OLFML2A: variants seen among roughly 807,000 people sequenced by gnomAD.
The protein encoded by OLFML2A is olfactomedin-like protein 2A.
Under a neutral mutation model 60.9 loss-of-function variants are expected in OLFML2A, and 47 were observed. The observed-to-expected ratio is 0.77, with a 90% CI of 0.61 to 0.98. The LOEUF is 0.98. Among genes scored for constraint, OLFML2A ranks in the 50% least tolerant of loss-of-function variants. The pLI is 0.00. For missense variants in OLFML2A, 922 were observed against 879.8 expected, an observed-to-expected ratio of 1.05 and a Z score of -0.61; for synonymous variants, 372 against 375.0, an observed-to-expected ratio of 0.99 and a Z score of 0.09.
In OLFML2A at chr9:124,787,212, A is replaced by G. The variant is rs753219026; in HGVS notation, c.328A>G (p.Lys110Glu). ...CENEWKMEKL[K>E]KQAPELLKLQ... ...GAACGAGTGGAAGATGGAGAAACTCAAAAAGCAGGCGCCCGAGCTCCTCAA... is the reference window on the plus strand; with the variant it reads ...GAACGAGTGGAAGATGGAGAAACTCGAAAAGCAGGCGCCCGAGCTCCTCAA... Residue 110 changes from lysine to glutamate, a missense_variant, in exon 2 of 8, where the codon AAA becomes GAA. By Grantham distance (56) the Lys-to-Glu change is moderately conservative (BLOSUM62 1). Transcript: ENST00000373580. 6.2e-7 allele frequency: 1 copy of G among 1,614,052 alleles called. No individual in the cohort carries two copies. Among genetic ancestry groups the G allele is most frequent in the Non-Finnish European group, 8.5e-7 (1 of 1,179,916 alleles).
rs1034003636 is a variant in OLFML2A, at chr9:124,802,724, G to A, written c.919+1061G>A. Among the ~76,000 whole-genome samples the A allele has an allele frequency of 8.5e-5, 13 of 152,280 alleles. No individual in the cohort carries two copies. The South Asian group carries it at 1.7e-3, about 19-fold the overall frequency. On this transcript the variant is annotated intron_variant, in intron 5 of 7. Coordinates refer to ENST00000373580, the MANE Select transcript of OLFML2A (RefSeq NM_182487.4). Reference sequence around the variant, plus strand: ...GACCAGGGGGATGACCCCCTTCCCCGCCAGGGCCCAGGCTGCCCACAGCAG... The same window carrying A: ...GACCAGGGGGATGACCCCCTTCCCCACCAGGGCCCAGGCTGCCCACAGCAG...
At chr9:124,796,124 C>A (rs1240147447) in intron 3 of OLFML2A, among the ~76,000 whole-genome samples, 1 of 152,220 alleles carries the variant, frequency 6.6e-6, no homozygotes, top group Non-Finnish European at 1.5e-5. Flanking sequence ...GCTTCCTTTA[C>A]AGAGGGAGGG....
intron 1 of OLFML2A, chr9:124,778,794 C>T (rs918962715): frequency 5.6e-6 from 1 of 179,004 alleles, no homozygotes; most frequent in Non-Finnish European, 1.1e-5. Context: ...AAGATTGTGT[C>T]TTAAAACAAA....
chr9:124,802,788 G>A (rs1022432331), intron 5 of OLFML2A, among the ~76,000 whole-genome samples: 1 of 152,242 alleles, frequency 6.6e-6, no homozygotes, highest in Non-Finnish European at 1.5e-5. Context: ...GAGAAAAAAG[G>A]AAGAAGTTAT....
intron 3 of OLFML2A, among the ~76,000 whole-genome samples, chr9:124,796,961 C>T (rs1260509483): frequency 1.3e-5 from 2 of 152,184 alleles, no homozygotes; most frequent in Admixed American, 6.6e-5. Flanking sequence ...GAAAATCTGT[C>T]ATACACTTTG....
At chr9:124,794,507 G>A (rs2131260498) in intron 2 of OLFML2A, among the ~76,000 whole-genome samples, 1 of 152,328 alleles carries the variant, frequency 6.6e-6, no homozygotes, top group Admixed American at 6.5e-5. Context: ...CTCAGAAGAT[G>A]GAACCTGTGG....
Position 124,811,171 on chromosome 9 carries a change from T to C in OLFML2A, c.*759T>C, listed in dbSNP as rs1321473330. The stretch of plus-strand genomic sequence containing the variant: ...GTCTGCTCTATGCTCATTTTTATTT[T>C]CTCTTATTCTTCATCAGTGCCGTCA... On this transcript the variant is annotated 3_prime_UTR_variant, in exon 8 of 8. Coordinates refer to ENST00000373580, the MANE Select transcript of OLFML2A (RefSeq NM_182487.4). 5 of 152,664 alleles carry C rather than the reference T, an allele frequency of 3.3e-5. No individual in the cohort carries two copies. The highest frequency in any genetic ancestry group is 9.6e-5 in the African/African-American group (4 of 41,456). The allele number at this position is 152,664 out of a possible 1,614,324, so 9.5% of individuals were successfully genotyped here.
chr9:124,798,738 AAAG>A (rs1185467274), intron 3 of OLFML2A, among the ~76,000 whole-genome samples: 9 of 151,800 alleles, frequency 5.9e-5, no homozygotes, highest in African/African-American at 1.7e-4. Flanking sequence ...AAAAAAAAAA[AAAG>A]AAAGAAAGAA....
intron 3 of OLFML2A, among the ~76,000 whole-genome samples, chr9:124,796,011 G>A (rs4836992): frequency 2.0e-5 from 3 of 152,066 alleles, no homozygotes; most frequent in African/African-American, 4.8e-5. Flanking sequence ...CTCTGCTGGC[G>A]CAGCCTCACC....
intron 4 of OLFML2A, among the ~76,000 whole-genome samples, chr9:124,800,399 C>T (rs191324349): frequency 6.6e-6 from 1 of 152,334 alleles, no homozygotes; most frequent in Admixed American, 6.5e-5. Flanking sequence ...GTCAGTGAAC[C>T]CCATAGTCAC....
chr9:124,789,895 C>T (rs914679388), intron 2 of OLFML2A, among the ~76,000 whole-genome samples: 1 of 152,202 alleles, frequency 6.6e-6, no homozygotes, highest in African/African-American at 2.4e-5. Context: ...ACCCTGCAGA[C>T]TCAAGGCACC....
chr9:124,805,854 G>A (rs943893829), intron 6 of OLFML2A, among the ~76,000 whole-genome samples: 7 of 135,570 alleles, frequency 5.2e-5, no homozygotes, highest in South Asian at 2.3e-4. Context: ...CTGACTCTGC[G>A]GTCCAGGCTG....
chr9:124,807,739 T>TG (rs1160852338), intron 6 of OLFML2A, 42 bp from the exon 7 acceptor site: 1 of 1,524,032 alleles, frequency 6.6e-7, no homozygotes, highest in Non-Finnish European at 8.9e-7. Flanking sequence ...CTGGGGGGCT[T>TG]GGGGGTCTGT....
intron 2 of OLFML2A, among the ~76,000 whole-genome samples, chr9:124,792,117 C>T (rs1841579695): frequency 6.6e-6 from 1 of 152,256 alleles, no homozygotes; most frequent in Non-Finnish European, 1.5e-5. Context: ...TCCTGATCCA[C>T]ACCTGCGCCC....
Position 124,809,862 on chromosome 9 carries a change from T to A in OLFML2A, c.1409T>A (p.Val470Glu), listed in dbSNP as rs749162406. The A allele has an allele frequency of 1.2e-6, 2 of 1,614,118 alleles. No homozygotes were observed. Among genetic ancestry groups the A allele is most frequent in the Non-Finnish European group, 1.7e-6 (2 of 1,179,986 alleles). Residue 470 changes from valine to glutamate, a missense_variant, in exon 8 of 8, where the codon GTG becomes GAG. Transcript: ENST00000373580. ...TACAACTGGATCGGCACAGGCCACG[T>A]GGTGTACCAGGGCGCCTTCTACTAC... ...LPYNWIGTGHVVYQGAFYYNR... is the reference protein window; with the variant it reads ...LPYNWIGTGHEVYQGAFYYNR...
intron 7 of OLFML2A, 134 bp from the exon 8 acceptor site, chr9:124,809,674 C>A (rs1442739859): frequency 1.4e-5 from 14 of 1,010,894 alleles, no homozygotes; most frequent in Admixed American, 2.7e-5. Context: ...AGATGTCATC[C>A]CAGCTCCAGG....
At chr9:124,799,580 TG>T (rs1841735580) in intron 4 of OLFML2A, 89 bp downstream of exon 4, 12 of 1,065,926 alleles carry the variant, frequency 1.1e-5, no homozygotes, top group Non-Finnish European at 1.6e-5. Flanking sequence ...ATCAGCTCGA[TG>T]GGGGTTTGGG....
At chr9:124,797,145 AGTTTTTTGT>A (rs111549761) in intron 3 of OLFML2A, among the ~76,000 whole-genome samples, 2 of 152,184 alleles carry the variant, frequency 1.3e-5, no homozygotes, top group African/African-American at 4.8e-5. Flanking sequence ...ACACTCAGCT[AGTTTTTTGT>A]GTTTTTTGTA....
chr9:124,795,746 G>A (rs1381498741), intron 3 of OLFML2A, among the ~76,000 whole-genome samples: 2 of 152,314 alleles, frequency 1.3e-5, no homozygotes, highest in African/African-American at 2.4e-5. Flanking sequence ...CAGCCTGGGC[G>A]ACAGAGCAAG....
Sources: allele counts gnomAD v4.1 joint callset (sites outside exome capture counted in the v4.1 genomes callset), GRCh38; gene constraint gnomAD v4.1.1; transcripts MANE v1.5; gene names NCBI Gene and HGNC (gene_info 2026-07-23, HGNC 2026-07-21).